Variants in NEMF observed in about 807,000 individuals in gnomAD.
NEMF encodes ribosome quality control complex subunit NEMF.
A neutral mutation model predicts 162.2 loss-of-function variants in NEMF; 89 were observed. The observed-to-expected ratio is 0.55, with a 90% CI of 0.46 to 0.65. The LOEUF (loss-of-function observed/expected upper bound fraction) is 0.65, where lower values mean the gene tolerates loss of function less well. Ranked by LOEUF, NEMF falls within the 30% of genes least tolerant of loss-of-function variation. The pLI, the probability that NEMF is intolerant of heterozygous loss-of-function variation, is 0.00. For missense variants in NEMF, 1,133 were observed against 1,261.9 expected (o/e 0.90, Z 1.55); for synonymous variants, 421 against 404.5 (o/e 1.04, Z -0.49).
At chr14:49,844,335 C>T (rs192513341) in intron 4 of NEMF, among the ~76,000 whole-genome samples, 63 of 152,292 alleles carry the variant, frequency 4.1e-4, no homozygotes, top group African/African-American at 1.5e-3. Flanking sequence ...GAATCTAATG[C>T]CACCACTGAT....
intron 16 of NEMF, among the ~76,000 whole-genome samples, chr14:49,815,091 C>T (rs1276010580): frequency 1.3e-5 from 2 of 152,158 alleles, no homozygotes; most frequent in African/African-American, 4.8e-5. Flanking sequence ...TATCTCCTTA[C>T]TCCATATAGC....
chr14:49,792,964 G>A (rs61984603), intron 26 of NEMF, among the ~76,000 whole-genome samples: 5,937 of 152,248 alleles, frequency 0.039, 164 homozygotes, highest in Non-Finnish European at 0.055. Context: ...CTGGGCAACA[G>A]AGTGACACCC....
intron 1 of NEMF, among the ~76,000 whole-genome samples, chr14:49,852,097 G>C (rs567090826): frequency 2.0e-5 from 3 of 152,022 alleles, no homozygotes; most frequent in Non-Finnish European, 4.4e-5. Context: ...ACACACTATA[G>C]CTTGCGTCTT....
At chr14:49,804,262 C>G (rs1215701117) in intron 19 of NEMF, among the ~76,000 whole-genome samples, 1 of 152,002 alleles carries the variant, frequency 6.6e-6, no homozygotes, top group Non-Finnish European at 1.5e-5. Context: ...CCTTGGCCTT[C>G]CAAAGTGCTG....
intron 4 of NEMF, 30 bp from the exon 5 acceptor site, chr14:49,840,896 TC>T (rs1893169653): frequency 6.3e-7 from 1 of 1,595,114 alleles, no homozygotes; most frequent in South Asian, 1.1e-5. Context: ...AATTTAGCGC[TC>T]TTTCAAATAA....
In NEMF at chr14:49,828,648, A is replaced by G. The variant is rs771529080; in HGVS notation, c.1392T>C (p.Asp464=). The change falls in exon 14 of 33, where the codon GAT becomes GAC. Residue 464 remains aspartate (D), a synonymous_variant. Coordinates refer to ENST00000298310, the MANE Select transcript of NEMF (RefSeq NM_004713.6). ...QKNKPLLVDV[D]LSLSAYANAK... ...CATTGGCATATGCTGACAAGCTGAG[A>G]TCAACATCTACAAGTAAGGGCTTAT... The G allele has an allele frequency of 1.3e-6, 2 of 1,585,664 alleles. No individual in the cohort carries two copies. The highest frequency in any genetic ancestry group is 1.4e-5 in the African/African-American group (1 of 73,056).
rs562458907 is a variant in NEMF, at chr14:49,789,209, C to T, written c.2832G>A (p.Pro944=). 2.5e-5 allele frequency: 40 copies of T among 1,613,982 alleles called. No homozygotes were observed. In the East Asian group the frequency reaches 4.0e-4, roughly 16 times the overall value. The change falls in exon 28 of 33, where the codon CCG becomes CCA. Residue 944 remains proline, a synonymous_variant. Transcript: ENST00000298310. ...RVSDNIKKET[P]FLEVITHELQ... is the part of the protein sequence containing the mutation. ...ACTCATGAGTTATAACCTCAAGGAA[C>T]GGAGTTTCTTTCTTAATGTTGTCAG...
Position 49,782,477 on chromosome 14 carries a change from A to T in NEMF, c.*2159T>A. On this transcript the variant is annotated 3_prime_UTR_variant, in exon 33 of 33. Coordinates refer to ENST00000298310, the MANE Select transcript of NEMF (RefSeq NM_004713.6). ...AGAGCTGTAAGTATACTACCTTCAC[A>T]TTATTACTGAAACTTACTTGCAAAG... 1 of 1,600,626 alleles carries T rather than the reference A, an allele frequency of 6.2e-7. No individual in the cohort carries two copies. The highest frequency in any genetic ancestry group is 8.5e-7 in the Non-Finnish European group (1 of 1,170,184).
rs2139967467 is a variant in NEMF at position 49,829,354 on chromosome 14, C to A, written c.1018G>T (p.Ala340Ser). The change falls in exon 12 of 33, where the codon GCT becomes TCT. Residue 340 changes from alanine (A) to serine (S), a missense_variant. Ala to Ser is a moderately conservative substitution (Grantham distance 99). Transcript: ENST00000298310. The part of the protein sequence containing the change: ...HENRLEALQQ[A>S]QEIDKLKGEL... ...GAGAAAGCCAAACATAATACCTGAG[C>A]CTGCTGAAGAGCTTCCAATCTGTTT... 1 of 1,614,078 alleles carries A rather than the reference C, an allele frequency of 6.2e-7. No individual in the cohort carries two copies. The highest frequency in any genetic ancestry group is 8.5e-7 in the Non-Finnish European group (1 of 1,179,956).
In NEMF at chr14:49,784,531, T is replaced by C. The variant is rs570751708; in HGVS notation, c.*105A>G. On this transcript the variant is annotated 3_prime_UTR_variant, in exon 33 of 33. Transcript: ENST00000298310. ...GTGAATATAGCAAGGCAATGTTTAG[T>C]TCATTTTTATAATGCGGAAATCCTG... The C allele has an allele frequency of 6.1e-5, 47 of 773,896 alleles. No individual in the cohort carries two copies. In the African/African-American group the frequency reaches 6.1e-4, roughly 10 times the overall value. The allele number at this position is 773,896 out of a possible 1,614,324, so 47.9% of individuals were successfully genotyped here.
At chr14:49,812,778 A>G (rs1891538703) in intron 18 of NEMF, among the ~76,000 whole-genome samples, 1 of 151,248 alleles carries the variant, frequency 6.6e-6, no homozygotes, top group African/African-American at 2.4e-5. Context: ...TCTAATTTCA[A>G]CAGTTTTAAA....
chr14:49,828,528 G>C (rs1201524802), intron 14 of NEMF, 88 bp downstream of exon 14: 9 of 1,174,626 alleles, frequency 7.7e-6, no homozygotes, highest in Non-Finnish European at 8.4e-6. Flanking sequence ...GCATGTACAA[G>C]TGAAATTTAA....
At position 49,829,445 on chromosome 14, in the gene NEMF, A is replaced by T. The variant is rs776136435; in HGVS notation, c.946-19T>A. ...GCTTTTCCTTTTATTGGCAAAACAG[A>T]TTTTTTAAAAATTAGATTTCTCCTA... is the stretch of plus-strand genomic sequence containing the variant. On this transcript the variant is annotated intron_variant, in intron 11 of 32. Transcript: ENST00000298310. The T allele has an allele frequency of 7.5e-6, 12 of 1,601,266 alleles. No individual in the cohort carries two copies. Among genetic ancestry groups the T allele is most frequent in the South Asian group, 1.1e-5 (1 of 90,304 alleles).
chr14:49,838,298 C>T (rs1398339483), intron 5 of NEMF, 92 bp from the exon 6 acceptor site: 2 of 963,372 alleles, frequency 2.1e-6, no homozygotes, highest in Admixed American at 3.7e-5. Flanking sequence ...TATCAGTTCA[C>T]CTGATCTTTA....
chr14:49,803,136 G>A (rs914128679), intron 20 of NEMF, 101 bp downstream of exon 20: 20 of 888,828 alleles, frequency 2.3e-5, no homozygotes, highest in Middle Eastern at 2.2e-4. Context: ...TAGGAAATCC[G>A]AGTAATTTGT....
At chr14:49,829,898 C>A (rs749753698) in intron 11 of NEMF, among the ~76,000 whole-genome samples, 1 of 152,100 alleles carries the variant, frequency 6.6e-6, no homozygotes, top group Admixed American at 6.6e-5. Flanking sequence ...AGCCACTGCA[C>A]CTGGCAGGGA....
chr14:49,796,352 G>A, intron 25 of NEMF: 1 of 452,938 alleles, frequency 2.2e-6, no homozygotes, highest in Non-Finnish European at 4.4e-6. Flanking sequence ...AAATACACAG[G>A]TTAAGAAGGA....
intron 22 of NEMF, among the ~76,000 whole-genome samples, chr14:49,802,165 T>C (rs1415863826): frequency 6.6e-6 from 1 of 151,826 alleles, no homozygotes; most frequent in African/African-American, 2.4e-5. Context: ...CAGGCTGGTC[T>C]CAAACTCCTG....
At position 49,829,104 on chromosome 14, in the gene NEMF, A is replaced by C; in HGVS notation, c.1182T>G (p.Ser394Arg). Reference protein sequence around the residue: ...EAQAQGDPVASAIKELKLQTN... With the variant: ...EAQAQGDPVARAIKELKLQTN... ...TTTGTAGTTTTAATTCTTTGATTGCACTTGCAACAGGGTCTCCTTGAGCCT... is the reference window on the plus strand; with the variant it reads ...TTTGTAGTTTTAATTCTTTGATTGCCCTTGCAACAGGGTCTCCTTGAGCCT... The change falls in exon 13 of 33, where the codon AGT becomes AGG. Residue 394 changes from serine to arginine, a missense_variant. Coordinates refer to ENST00000298310, the MANE Select transcript of NEMF (RefSeq NM_004713.6). The C allele has an allele frequency of 6.2e-7, 1 of 1,614,176 alleles. No homozygotes were observed. The highest frequency in any genetic ancestry group is 8.5e-7 in the Non-Finnish European group (1 of 1,180,020).
Sources: gnomAD v4.1 joint callset for allele counts (sites outside exome capture counted in the v4.1 genomes callset) on GRCh38, gnomAD v4.1.1 for gene constraint, MANE v1.5 for transcripts, NCBI Gene and HGNC (gene_info 2026-07-23, HGNC 2026-07-21) for gene names.